The following ALCAM variants were observed in gnomAD, a reference collection of about 807,000 sequenced individuals.
ALCAM encodes the protein CD166 antigen.
Under a neutral mutation model 70.9 loss-of-function variants are expected in ALCAM, and 30 were observed. The ratio of observed to expected loss-of-function variants is 0.42; its 90% CI spans 0.32 to 0.57. ALCAM has a LOEUF of 0.57. Ranked by LOEUF, ALCAM falls within the 20% of genes least tolerant of loss-of-function variation. The probability of loss-of-function intolerance (pLI) is 0.11; values close to 1 mark genes in which losing one functional copy is unlikely to be tolerated. For missense variants in ALCAM, 591 were observed against 695.1 expected (o/e 0.85, Z 1.68); for synonymous variants, 249 against 242.5 (o/e 1.03, Z -0.25).
chr3:105,567,774 T>A (rs1940775991), intron 14 of ALCAM, among the ~76,000 whole-genome samples: 1 of 152,162 alleles, frequency 6.6e-6, no homozygotes. Context: ...CTGCATCACC[T>A]AAGGACATTC....
At position 105,576,133 on chromosome 3, in the gene ALCAM, A is replaced by G. The variant is rs1940959028; in HGVS notation, c.*1682A>G. 1 of 152,592 alleles carries G rather than the reference A, an allele frequency of 6.6e-6. No individual in the cohort carries two copies. The highest frequency in any genetic ancestry group is 1.5e-5 in the Non-Finnish European group (1 of 68,036). 9.5% of individuals were successfully genotyped at this position (152,592 alleles called of 1,614,324 possible). On this transcript the variant is annotated 3_prime_UTR_variant, in exon 16 of 16. Coordinates refer to ENST00000306107, the MANE Select transcript of ALCAM (RefSeq NM_001627.4). ...TATAAAATATTATGGGAAAAAAAGA[A>G]AATACGTTATTTTGCCTCTAAACTT...
intron 1 of ALCAM, among the ~76,000 whole-genome samples, chr3:105,368,223 A>AAGAGAGAGAGAGGAGAGAGAGAGAG (rs1935123067): frequency 7.4e-5 from 5 of 67,830 alleles, no homozygotes; most frequent in Middle Eastern, 8.2e-3. Context: ...TGAGTCTTGG[A>AAGAGAGAGAGAGGAGAGAGAGAGAG]AGAGAGAGAG....
At chr3:105,514,147 C>A (rs1279004989) in intron 1 of ALCAM, among the ~76,000 whole-genome samples, 1 of 151,944 alleles carries the variant, frequency 6.6e-6, no homozygotes, top group Non-Finnish European at 1.5e-5. Context: ...CCCAAAACCT[C>A]ACACTGATTT....
chr3:105,536,475 T>C (rs1939973534), intron 6 of ALCAM, among the ~76,000 whole-genome samples: 1 of 152,086 alleles, frequency 6.6e-6, no homozygotes, highest in East Asian at 1.9e-4. Context: ...GGAGAGAACA[T>C]CAAGATAAGT....
chr3:105,481,586 T>TA (rs1275131413), intron 1 of ALCAM, among the ~76,000 whole-genome samples: 10 of 152,222 alleles, frequency 6.6e-5, no homozygotes, highest in African/African-American at 2.4e-4. Context: ...AAGTTTTTCT[T>TA]ATCTTTTATA....
intron 1 of ALCAM, among the ~76,000 whole-genome samples, chr3:105,490,301 G>A (rs965999844): frequency 5.3e-5 from 8 of 152,208 alleles, no homozygotes; most frequent in African/African-American, 1.9e-4. Flanking sequence ...CTAGAAGAGT[G>A]ACGTCAAGTG....
chr3:105,540,051 A>G lies in ALCAM; in HGVS notation c.807A>G (p.Lys269=), dbSNP rs1227936665. ...AIKEGDNITL[K]CLGNGNPPPE... Reference sequence around the variant, plus strand: ...AAGAAGGGGATAACATCACTCTTAAATGCTTAGGGAATGGCAACCCTCCCC... The same window carrying G: ...AAGAAGGGGATAACATCACTCTTAAGTGCTTAGGGAATGGCAACCCTCCCC... Residue 269 remains lysine (K), a synonymous_variant, in exon 7 of 16, where the codon AAA becomes AAG. Coordinates refer to ENST00000306107, the MANE Select transcript of ALCAM (RefSeq NM_001627.4). 2 of 1,612,636 alleles carry G rather than the reference A, an allele frequency of 1.2e-6. No homozygotes were observed. The highest frequency in any genetic ancestry group is 1.3e-5 in the African/African-American group (1 of 74,926).
intron 1 of ALCAM, among the ~76,000 whole-genome samples, chr3:105,501,822 TG>T (rs1383081601): frequency 1.3e-5 from 2 of 152,192 alleles, no homozygotes; most frequent in Non-Finnish European, 2.9e-5. Context: ...TAAAGCATAG[TG>T]CCTGCCAATA....
rs1935076262 is a variant in ALCAM, at chr3:105,367,112, C to A, written c.-297C>A. The A allele has an allele frequency of 2.5e-6, 1 of 401,004 alleles. No individual in the cohort carries two copies. Among genetic ancestry groups the A allele is most frequent in the Non-Finnish European group, 4.6e-6 (1 of 215,302 alleles). 24.8% of individuals were successfully genotyped at this position (401,004 alleles called of 1,614,324 possible). ...AGCGAAAAGAACCGCTTACACCTTT[C>A]CGAATTACTCAAGTGTCTCCTGGAA... On this transcript the variant is annotated 5_prime_UTR_variant, in exon 1 of 16. Coordinates refer to ENST00000306107, the MANE Select transcript of ALCAM (RefSeq NM_001627.4).
chr3:105,417,943 C>A (rs963046733), intron 1 of ALCAM, among the ~76,000 whole-genome samples: 44 of 149,944 alleles, frequency 2.9e-4, no homozygotes, highest in Admixed American at 2.7e-3. Context: ...AATGAATATT[C>A]TTTTTTTTTG....
At chr3:105,476,329 A>G (rs1938108446) in intron 1 of ALCAM, among the ~76,000 whole-genome samples, 1 of 152,078 alleles carries the variant, frequency 6.6e-6, no homozygotes, top group African/African-American at 2.4e-5. Context: ...ATTCACAACC[A>G]TGACTACCAT....
At chr3:105,532,633 G>A (rs572846243) in intron 4 of ALCAM, among the ~76,000 whole-genome samples, 8 of 151,914 alleles carry the variant, frequency 5.3e-5, no homozygotes, top group African/African-American at 1.9e-4. Flanking sequence ...AGAGAATGAT[G>A]AAAGATGAAT....
intron 1 of ALCAM, among the ~76,000 whole-genome samples, chr3:105,464,137 CT>C (rs959585435): frequency 6.6e-6 from 1 of 151,128 alleles, no homozygotes; most frequent in Non-Finnish European, 1.5e-5. Context: ...CATTTTTTGT[CT>C]TGTCCGACTA....
At chr3:105,498,356 G>T (rs971930304) in intron 1 of ALCAM, among the ~76,000 whole-genome samples, 3 of 152,130 alleles carry the variant, frequency 2.0e-5, no homozygotes, top group Non-Finnish European at 4.4e-5. Context: ...GCATAAGTGG[G>T]AAGTTTTCTA....
At chr3:105,419,621 T>G (rs938307479) in intron 1 of ALCAM, among the ~76,000 whole-genome samples, 2 of 151,670 alleles carry the variant, frequency 1.3e-5, no homozygotes, top group African/African-American at 4.8e-5. Flanking sequence ...AAGAGCAAAA[T>G]TTTGTTAAGC....
At chr3:105,381,822 CT>C (rs1935528212) in intron 1 of ALCAM, among the ~76,000 whole-genome samples, 1 of 151,792 alleles carries the variant, frequency 6.6e-6, no homozygotes, top group South Asian at 2.1e-4. Context: ...ATTTCTCAAA[CT>C]TTAGTCCCTT....
intron 2 of ALCAM, among the ~76,000 whole-genome samples, chr3:105,522,994 G>T (rs571518957): frequency 8.6e-5 from 13 of 151,994 alleles, no homozygotes; most frequent in Non-Finnish European, 1.9e-4. Context: ...AAAAAAATTA[G>T]CCAGGCGTGG....
chr3:105,509,137 G>A (rs975090869), intron 1 of ALCAM, among the ~76,000 whole-genome samples: 5 of 152,110 alleles, frequency 3.3e-5, no homozygotes, highest in African/African-American at 1.2e-4. Flanking sequence ...CACTTTGGTT[G>A]TGTCCATATC....
chr3:105,521,993 C>T (rs932861255), intron 2 of ALCAM, among the ~76,000 whole-genome samples: 1 of 152,198 alleles, frequency 6.6e-6, no homozygotes, highest in Non-Finnish European at 1.5e-5. Flanking sequence ...ACACAATGCA[C>T]TTGTTCAATC....
Sources: allele counts gnomAD v4.1 joint callset (sites outside exome capture counted in the v4.1 genomes callset), GRCh38; gene constraint gnomAD v4.1.1; transcripts MANE v1.5; gene names NCBI Gene and HGNC (gene_info 2026-07-23, HGNC 2026-07-21).